Variants in ADAMTS20 observed in about 807,000 individuals in gnomAD.
ADAMTS20 encodes A disintegrin and metalloproteinase with thrombospondin motifs 20.
ADAMTS20 carries 225 observed loss-of-function variants against 260.1 expected under a neutral mutation model. The observed-to-expected ratio is 0.87, with a 90% CI of 0.78 to 0.97. The LOEUF (loss-of-function observed/expected upper bound fraction) is 0.97, where lower values mean the gene tolerates loss of function less well. ADAMTS20 is among the 50% of genes least tolerant of loss of function. The pLI, the probability that ADAMTS20 is intolerant of heterozygous loss-of-function variation, is 0.00. For synonymous variants in ADAMTS20, 802 were observed against 769.5 expected, an observed-to-expected ratio of 1.04 and a Z score of -0.70; for missense variants, 2,400 against 2,337.7, an observed-to-expected ratio of 1.03 and a Z score of -0.55.
intron 16 of ADAMTS20, among the ~76,000 whole-genome samples, chr12:43,441,109 A>T (rs1447658168): frequency 1.3e-5 from 2 of 151,836 alleles, no homozygotes; most frequent in African/African-American, 2.4e-5. Flanking sequence ...AACATTCTAG[A>T]AGGCCATGCA....
chr12:43,392,688 T>C (rs1027016641), intron 29 of ADAMTS20, among the ~76,000 whole-genome samples: 2 of 152,114 alleles, frequency 1.3e-5, no homozygotes, highest in African/African-American at 2.4e-5. Context: ...AGTTTTCAAA[T>C]CTTTTCTTAG....
At position 43,446,785 on chromosome 12, in the gene ADAMTS20, T is replaced by C. The variant is rs548979178; in HGVS notation, c.2080-73A>G. 6 of 1,196,736 alleles carry C rather than the reference T, an allele frequency of 5.0e-6. No individual in the cohort carries two copies. The African/African-American group carries it at 7.5e-5, about 15-fold the overall frequency. The allele number at this position is 1,196,736 out of a possible 1,614,324, so 74.1% of individuals were successfully genotyped here. A position where few individuals can be genotyped will look rare whatever the true frequency, so the allele number is the denominator to read the frequency against. ...AGAAAAGAGAGAAGATCCAAATACATACAATCAGATATGACAAAGGGGATT... is the reference window on the plus strand; with the variant it reads ...AGAAAAGAGAGAAGATCCAAATACACACAATCAGATATGACAAAGGGGATT... On this transcript the variant is annotated intron_variant, in intron 14 of 38. Coordinates refer to ENST00000389420, the MANE Select transcript of ADAMTS20 (RefSeq NM_025003.5).
intron 11 of ADAMTS20, among the ~76,000 whole-genome samples, chr12:43,457,951 C>T (rs1227927042): frequency 1.3e-5 from 2 of 152,140 alleles, no homozygotes; most frequent in African/African-American, 4.8e-5. Flanking sequence ...TGTGTGAACC[C>T]CAAAAATTTA....
At chr12:43,504,862 A>G (rs890542734) in intron 3 of ADAMTS20, among the ~76,000 whole-genome samples, 1 of 152,228 alleles carries the variant, frequency 6.6e-6, no homozygotes, top group Non-Finnish European at 1.5e-5. Context: ...GACTAAAATT[A>G]CAAAGAGCAA....
chr12:43,420,781 TCTTCTC>T lies in ADAMTS20; in HGVS notation c.4284+4727_4284+4732del, dbSNP rs1279492457. 5.5e-5 allele frequency among the ~76,000 whole-genome samples: 8 copies of T among 144,966 alleles called. No homozygotes were observed. The Admixed American group carries it at 5.7e-4, about 10-fold the overall frequency. On this transcript the variant is annotated intron_variant, in intron 28 of 38. Transcript: ENST00000389420. ...CATTTCTTCTTCTTCCTCTTCTTCT[TCTTCTC>T]CTCCTCCTCCTTCTTTTTTTTTTTT...
chr12:43,493,225 A>G lies in ADAMTS20; in HGVS notation c.896T>C (p.Ile299Thr), dbSNP rs1199660247. Reference sequence around the variant, plus strand: ...CACTACTATGTGTATCAAATTTCCAATACTTGGATCTTTGTAGATTGTTGC... The same window carrying G: ...CACTACTATGTGTATCAAATTTCCAGTACTTGGATCTTTGTAGATTGTTGC... ...IVATIYKDPSIGNLIHIVVVK... is the reference protein window; with the variant it reads ...IVATIYKDPSTGNLIHIVVVK... Residue 299 changes from isoleucine (I) to threonine (T), a missense_variant, in exon 5 of 39, where the codon ATT becomes ACT. Ile to Thr is a moderately conservative substitution (Grantham distance 89). Coordinates refer to ENST00000389420, the MANE Select transcript of ADAMTS20 (RefSeq NM_025003.5). The G allele has an allele frequency of 3.2e-6, 5 of 1,559,450 alleles. No homozygotes were observed. The highest frequency in any genetic ancestry group is 1.2e-5 in the South Asian group (1 of 84,568).
chr12:43,419,603 A>T (rs993030328), intron 28 of ADAMTS20, among the ~76,000 whole-genome samples: 1 of 152,176 alleles, frequency 6.6e-6, no homozygotes, highest in Non-Finnish European at 1.5e-5. Flanking sequence ...CCATGGAAAC[A>T]TGGACACTTT....
In ADAMTS20 at chr12:43,415,587, A is replaced by G. The variant is rs563123724; in HGVS notation, c.4284+9927T>C. 2.0e-3 allele frequency among the ~76,000 whole-genome samples: 306 copies of G among 152,236 alleles called. 2 individuals are homozygous for G. Among genetic ancestry groups the G allele is most frequent in the Non-Finnish European group, 2.8e-3 (188 of 67,998 alleles). ...CTATTTCAACCACTTTTCCTATTCCATTTTATCCTTAAAAAATACCCTCCT... is the reference window on the plus strand; with the variant it reads ...CTATTTCAACCACTTTTCCTATTCCGTTTTATCCTTAAAAAATACCCTCCT... On this transcript the variant is annotated intron_variant, in intron 28 of 38. Transcript: ENST00000389420.
chr12:43,405,234 A>C (rs1357331252), intron 28 of ADAMTS20, among the ~76,000 whole-genome samples: 13 of 115,594 alleles, frequency 1.1e-4, no homozygotes, highest in Admixed American at 3.5e-4. Flanking sequence ...CTCTACAAAA[A>C]AAAAAAAAAA....
chr12:43,497,595 A>G (rs4768501), intron 4 of ADAMTS20, among the ~76,000 whole-genome samples: 13,073 of 152,170 alleles, frequency 0.086, 1,007 homozygotes, highest in East Asian at 0.46. Flanking sequence ...ATTGAAGGGA[A>G]AAGTAATATA....
intron 29 of ADAMTS20, among the ~76,000 whole-genome samples, chr12:43,387,483 G>T (rs1205575503): frequency 6.6e-6 from 1 of 152,192 alleles, no homozygotes; most frequent in African/African-American, 2.4e-5. Flanking sequence ...ATCCACATGA[G>T]GAGGCATTCT....
chr12:43,442,994 AG>A (rs1446967969), intron 16 of ADAMTS20, among the ~76,000 whole-genome samples: 46 of 152,300 alleles, frequency 3.0e-4, no homozygotes, highest in African/African-American at 1.0e-3. Context: ...GCAATTCCTG[AG>A]ATAGGCTGTT....
chr12:43,428,287 T>C lies in ADAMTS20; in HGVS notation c.3899A>G (p.His1300Arg). ...KLEDNENQVVHPSVRGNQWRT... is the reference protein window; with the variant it reads ...KLEDNENQVVRPSVRGNQWRT... Reference sequence around the variant, plus strand: ...CCACTGGTTTCCTCTGACTGATGGATGGACCACCTGATTTTCATTATCTTC... The same window carrying C: ...CCACTGGTTTCCTCTGACTGATGGACGGACCACCTGATTTTCATTATCTTC... Residue 1300 changes from histidine (H) to arginine (R), a missense_variant, in exon 26 of 39, where the codon CAT becomes CGT. By Grantham distance (29) the His-to-Arg change is conservative. Coordinates refer to ENST00000389420, the MANE Select transcript of ADAMTS20 (RefSeq NM_025003.5). The C allele has an allele frequency of 6.2e-7, 1 of 1,614,028 alleles. No individual in the cohort carries two copies. The highest frequency in any genetic ancestry group is 1.1e-5 in the South Asian group (1 of 91,088).
intron 29 of ADAMTS20, among the ~76,000 whole-genome samples, chr12:43,389,207 T>A (rs1940546792): frequency 6.6e-6 from 1 of 152,174 alleles, no homozygotes; most frequent in African/African-American, 2.4e-5. Flanking sequence ...ATCATCTCAA[T>A]CAGATATGAG....
At position 43,431,490 on chromosome 12, in the gene ADAMTS20, C is replaced by A. The variant is rs1294935147; in HGVS notation, c.3103G>T (p.Val1035Phe). 1 of 1,613,790 alleles carries A rather than the reference C, an allele frequency of 6.2e-7. No homozygotes were observed. Among genetic ancestry groups the A allele is most frequent in the Non-Finnish European group, 8.5e-7 (1 of 1,179,848 alleles). Residue 1035 changes from valine to phenylalanine, a missense_variant, in exon 22 of 39, where the codon GTT becomes TTT. Transcript: ENST00000389420. ...WAASEWSECL[V>F]TCGKGTKQRQ... Reference sequence around the variant, plus strand: ...TGCTTTGTTCCTTTACCACATGTAACAAGGCACTGTAAGAATAAAACTGAT... The same window carrying A: ...TGCTTTGTTCCTTTACCACATGTAAAAAGGCACTGTAAGAATAAAACTGAT...
chr12:43,481,236 G>A (rs566892552), intron 7 of ADAMTS20, among the ~76,000 whole-genome samples: 17 of 152,114 alleles, frequency 1.1e-4, no homozygotes, highest in East Asian at 9.7e-4. Flanking sequence ...CAAGCTTAGC[G>A]TTCCAATAAT....
chr12:43,396,887 AAC>A (rs1202244153), intron 29 of ADAMTS20, among the ~76,000 whole-genome samples: 2 of 152,156 alleles, frequency 1.3e-5, no homozygotes, highest in African/African-American at 4.8e-5. Context: ...CTTTGGGACC[AAC>A]AGGAATATTG....
chr12:43,354,607 T>C (rs1939705254), intron 38 of ADAMTS20, among the ~76,000 whole-genome samples: 1 of 152,184 alleles, frequency 6.6e-6, no homozygotes, highest in South Asian at 2.1e-4. Flanking sequence ...ATATTTTTCA[T>C]CTAGGTATGT....
chr12:43,463,222 A>G (rs1240084016), intron 10 of ADAMTS20, among the ~76,000 whole-genome samples: 1 of 152,216 alleles, frequency 6.6e-6, no homozygotes, highest in Non-Finnish European at 1.5e-5. Context: ...AATTTTATTC[A>G]TACATTGAAT....
Sources: gnomAD v4.1 joint callset for allele counts (sites outside exome capture counted in the v4.1 genomes callset) on GRCh38, gnomAD v4.1.1 for gene constraint, MANE v1.5 for transcripts, NCBI Gene and HGNC (gene_info 2026-07-23, HGNC 2026-07-21) for gene names.